Variants in TMEM178B observed in about 807,000 individuals in gnomAD.
TMEM178B encodes transmembrane protein 178B.
Under a neutral mutation model 31.0 loss-of-function variants are expected in TMEM178B, and 5 were observed. The ratio of observed to expected loss-of-function variants is 0.16; its 90% CI spans 0.08 to 0.34. The LOEUF is 0.34. Ranked by LOEUF, TMEM178B falls within the 10% of genes least tolerant of loss-of-function variation. TMEM178B has a pLI of 1.00. For synonymous variants in TMEM178B, 164 were observed against 164.0 expected (o/e 1.00, Z 0.00); for missense variants, 275 against 400.3 (o/e 0.69, Z 2.67).
chr7:141,229,135 C>CT (rs1563125056), intron 2 of TMEM178B, among the ~76,000 whole-genome samples: 1 of 100,580 alleles, frequency 9.9e-6, no homozygotes, highest in African/African-American at 3.5e-5. Context: ...GTGTGTGAAA[C>CT]TTTTTTTTCA....
intron 2 of TMEM178B, among the ~76,000 whole-genome samples, chr7:141,347,584 G>A (rs929801414): frequency 1.3e-5 from 2 of 152,222 alleles, no homozygotes; most frequent in African/African-American, 2.4e-5. Flanking sequence ...CAAGATGCTC[G>A]TGGCTGAGGG....
intron 1 of TMEM178B, among the ~76,000 whole-genome samples, chr7:141,176,274 A>G (rs1322297546): frequency 1.3e-5 from 2 of 152,198 alleles, no homozygotes; most frequent in African/African-American, 2.4e-5. Flanking sequence ...TGATTTGCAT[A>G]TGTTGAACCA....
intron 1 of TMEM178B, among the ~76,000 whole-genome samples, chr7:141,160,412 C>T (rs1253468372): frequency 5.9e-5 from 9 of 152,334 alleles, no homozygotes; most frequent in African/African-American, 2.2e-4. Flanking sequence ...TGAGCATCTC[C>T]TCCCAGAAGA....
In TMEM178B at chr7:141,421,270, G is replaced by T. The variant is rs530932386; in HGVS notation, c.497-16338G>T. The stretch of plus-strand genomic sequence containing the variant: ...GAATTTTAGAATTTAAAGATTTTTT[G>T]GGGGAAAAAATAAGTTGCTACTCTC... On this transcript the variant is annotated intron_variant, in intron 2 of 3. Coordinates refer to ENST00000565468, the MANE Select transcript of TMEM178B (RefSeq NM_001195278.2). 3.0e-3 allele frequency among the ~76,000 whole-genome samples: 450 copies of T among 152,122 alleles called. 2 individuals carry two copies. Among genetic ancestry groups the T allele is most frequent in the African/African-American group, 9.2e-3 (382 of 41,502 alleles).
chr7:141,111,632 T>C (rs1795236044), intron 1 of TMEM178B, among the ~76,000 whole-genome samples: 1 of 152,180 alleles, frequency 6.6e-6, no homozygotes, highest in African/African-American at 2.4e-5. Flanking sequence ...TGAAGCCAGC[T>C]TGTGTAGATC....
At chr7:141,098,504 T>A (rs916148887) in intron 1 of TMEM178B, among the ~76,000 whole-genome samples, 6 of 152,242 alleles carry the variant, frequency 3.9e-5, no homozygotes, top group African/African-American at 1.4e-4. Flanking sequence ...GTGAAGAGTG[T>A]AGACCCTGAA....
chr7:141,117,384 G>C (rs543821128), intron 1 of TMEM178B, among the ~76,000 whole-genome samples: 1 of 152,068 alleles, frequency 6.6e-6, no homozygotes, highest in South Asian at 2.1e-4. Context: ...ATCTATTTAA[G>C]TTCTTTGTAG....
At position 141,138,873 on chromosome 7, in the gene TMEM178B, A is replaced by G. The variant is rs550455614; in HGVS notation, c.382+64181A>G. ...GTGGCACGTGCCTGTAATCCCAGCT[A>G]CTCGGGAGGCTGAGGCAGGAGAATG... On this transcript the variant is annotated intron_variant, in intron 1 of 3. Coordinates refer to ENST00000565468, the MANE Select transcript of TMEM178B (RefSeq NM_001195278.2). Among the ~76,000 whole-genome samples the G allele has an allele frequency of 7.1e-4, 107 of 151,632 alleles. 2 individuals are homozygous for G. The highest frequency in any genetic ancestry group is 3.4e-3 in the Middle Eastern group (1 of 294).
At chr7:141,446,926 A>T (rs1362545003) in intron 3 of TMEM178B, among the ~76,000 whole-genome samples, 1 of 152,098 alleles carries the variant, frequency 6.6e-6, no homozygotes, top group Non-Finnish European at 1.5e-5. Context: ...GAGCAGCATC[A>T]TCCCATCACT....
the TMEM178B span, among the ~76,000 whole-genome samples, chr7:141,488,924 G>C: frequency 1.3e-5 from 2 of 151,890 alleles, no homozygotes; most frequent in Non-Finnish European, 2.9e-5. Flanking sequence ...GAGAAAATAA[G>C]GAAAAGGCAA....
In TMEM178B at chr7:141,077,132, C is replaced by T. The variant is rs151251622; in HGVS notation, c.382+2440C>T. On this transcript the variant is annotated intron_variant, in intron 1 of 3. Coordinates refer to ENST00000565468, the MANE Select transcript of TMEM178B (RefSeq NM_001195278.2). ...ACACTTAGTGTTCCTCTTAGATGGG[C>T]AGATTTTATAAGGAAGTTAAAAAGA... 2.5e-3 allele frequency among the ~76,000 whole-genome samples: 382 copies of T among 152,256 alleles called. 4 individuals carry two copies. The highest frequency in any genetic ancestry group is 8.8e-3 in the African/African-American group (367 of 41,556).
chr7:141,339,053 A>G (rs1799472488), intron 2 of TMEM178B, among the ~76,000 whole-genome samples: 2 of 152,108 alleles, frequency 1.3e-5, no homozygotes, highest in Non-Finnish European at 2.9e-5. Flanking sequence ...TTTGTGAGAG[A>G]GTGAGACAGG....
At chr7:141,134,128 G>T (rs982923502) in intron 1 of TMEM178B, among the ~76,000 whole-genome samples, 1 of 152,066 alleles carries the variant, frequency 6.6e-6, no homozygotes, top group African/African-American at 2.4e-5. Flanking sequence ...CCAGCTACTT[G>T]GGAGGCTGAG....
chr7:141,160,661 A>G (rs111507180), intron 1 of TMEM178B, among the ~76,000 whole-genome samples: 1 of 152,068 alleles, frequency 6.6e-6, no homozygotes, highest in Non-Finnish European at 1.5e-5. Context: ...GACTATTGAG[A>G]GCGGGCACAT....
intron 3 of TMEM178B, among the ~76,000 whole-genome samples, chr7:141,448,931 A>C (rs374221423): frequency 2.0e-5 from 3 of 152,100 alleles, no homozygotes; most frequent in African/African-American, 7.2e-5. Flanking sequence ...AGGAGGGTGA[A>C]CAGGAGGAGG....
At chr7:141,222,151 T>C (rs559971134) in intron 2 of TMEM178B, among the ~76,000 whole-genome samples, 1 of 152,340 alleles carries the variant, frequency 6.6e-6, no homozygotes, top group South Asian at 2.1e-4. Flanking sequence ...GTGCTGTCTG[T>C]TTACTGGCTA....
At chr7:141,144,378 T>G (rs1025141539) in intron 1 of TMEM178B, among the ~76,000 whole-genome samples, 1 of 152,176 alleles carries the variant, frequency 6.6e-6, no homozygotes. Flanking sequence ...AAGACTAAAG[T>G]TTTTTCTTAT....
At chr7:141,082,968 A>G (rs925706952) in intron 1 of TMEM178B, among the ~76,000 whole-genome samples, 1 of 152,240 alleles carries the variant, frequency 6.6e-6, no homozygotes, top group African/African-American at 2.4e-5. Flanking sequence ...TAGAGGATCA[A>G]TACTGTGTAT....
intron 2 of TMEM178B, among the ~76,000 whole-genome samples, chr7:141,215,338 T>TTATTATTATTATTATTATTATTATTA (rs999641567): frequency 4.0e-5 from 1 of 24,928 alleles, no homozygotes; most frequent in Non-Finnish European, 1.9e-4. Context: ...ATTATTATTA[T>TTATTATTATTATTATTATTATTATTA]TTTTTGAGAT....
Sources: gnomAD v4.1 joint callset for allele counts (sites outside exome capture counted in the v4.1 genomes callset) on GRCh38, gnomAD v4.1.1 for gene constraint, MANE v1.5 for transcripts, NCBI Gene and HGNC (gene_info 2026-07-23, HGNC 2026-07-21) for gene names.